The following ZBED6 variants were observed in gnomAD, a reference collection of about 807,000 sequenced individuals.
The protein encoded by ZBED6 is zinc finger BED domain-containing protein 6.
ZBED6 carries 40 observed loss-of-function variants against 58.4 expected under a neutral mutation model. The observed-to-expected ratio is 0.68, with a 90% CI of 0.53 to 0.89. The LOEUF is 0.89. ZBED6 is among the 40% of genes least tolerant of loss of function. The pLI is 0.00. For missense variants in ZBED6, 1,057 were observed against 1,003.9 expected (o/e 1.05, Z -0.71); for synonymous variants, 439 against 350.6 (o/e 1.25, Z -2.82).
chr1:203,796,588 C>T (rs967676533), exon 1 of ZBED6: 2 of 396,910 alleles, frequency 5.0e-6, no homozygotes, highest in Admixed American at 4.4e-5. Flanking sequence ...CTAGAGATAG[C>T]GATGCTTTTT....
intron 16 of ZBED6, among the ~76,000 whole-genome samples, 173 bp downstream of exon 16, chr1:203,851,297 T>G (rs1689195759): frequency 6.6e-6 from 1 of 152,194 alleles, no homozygotes; most frequent in Non-Finnish European, 1.5e-5. Context: ...TTGGTGCCAT[T>G]GTTTACATTT....
At chr1:203,853,606 A>T (rs1304333349) in exon 17 of ZBED6, 1 of 152,692 alleles carries the variant, frequency 6.5e-6, no homozygotes, top group Non-Finnish European at 1.5e-5. Context: ...ATTTTGCTGT[A>T]GGTGGCCAGT....
chr1:203,808,618 A>C (rs1673172907), intron 1 of ZBED6, among the ~76,000 whole-genome samples: 1 of 152,186 alleles, frequency 6.6e-6, no homozygotes, highest in East Asian at 1.9e-4. Context: ...TTTCCCTCTT[A>C]GTGACATATG....
At chr1:203,830,195 AG>A (rs1290025519) in exon 7 of ZBED6, 1 of 1,600,880 alleles carries the variant, frequency 6.2e-7, no homozygotes, top group Non-Finnish European at 8.5e-7. Context: ...AAATCTAAGA[AG>A]CAAGGTGGTA....
Position 203,848,017 on chromosome 1 carries a change from C to G in ZBED6, c.*4246-314C>G, listed in dbSNP as rs530952692. Reference sequence around the variant, plus strand: ...GCTACAGACATGTGCCACCACACCCCGCTAATTTTTGTATTTTTAATAGAG... The same window carrying G: ...GCTACAGACATGTGCCACCACACCCGGCTAATTTTTGTATTTTTAATAGAG... On this transcript the variant is annotated intron_variant, in intron 12 of 16. Coordinates refer to ENST00000550078, the Ensembl canonical transcript of ZBED6. Among the ~76,000 whole-genome samples, 3 of 152,060 alleles carry G rather than the reference C, an allele frequency of 2.0e-5. No individual in the cohort carries two copies. In the East Asian group the frequency reaches 5.8e-4, roughly 30 times the overall value.
At position 203,832,569 on chromosome 1, in the gene ZBED6, C is replaced by T. The variant is rs1200177445; in HGVS notation, c.*3510+798C>T. On this transcript the variant is annotated intron_variant, in intron 8 of 16. Transcript: ENST00000550078. ...AGAAACGGGGTTTCACCATGTTGGC[C>T]ACACTGGTCTTGAACTGCTGGCCTC... 2.0e-5 allele frequency among the ~76,000 whole-genome samples: 3 copies of T among 152,280 alleles called. No individual in the cohort carries two copies. In the East Asian group the frequency reaches 5.8e-4, roughly 29 times the overall value.
intron 12 of ZBED6, 55 bp downstream of exon 12, chr1:203,847,742 G>A: frequency 6.4e-7 from 1 of 1,562,884 alleles, no homozygotes; most frequent in Non-Finnish European, 8.6e-7. Flanking sequence ...TTCCAGAGGA[G>A]TGTTCCGTGG....
At chr1:203,832,699 T>A (rs1164595299) in intron 8 of ZBED6, among the ~76,000 whole-genome samples, 1 of 152,162 alleles carries the variant, frequency 6.6e-6, no homozygotes. Context: ...TTAAGCCTAA[T>A]AAGGAATTAT....
chr1:203,826,353 A>C (rs1680521504), intron 3 of ZBED6, among the ~76,000 whole-genome samples: 1 of 150,184 alleles, frequency 6.7e-6, no homozygotes, highest in African/African-American at 2.4e-5. Context: ...TAATATTAAA[A>C]TTAATAAATA....
intron 8 of ZBED6, among the ~76,000 whole-genome samples, chr1:203,832,184 A>C (rs901948395): frequency 4.0e-5 from 6 of 151,820 alleles, no homozygotes; most frequent in South Asian, 2.1e-4. Context: ...TCGGCCTCCC[A>C]AGTAGTTGGG....
At chr1:203,796,361 T>C (rs1668498433) in exon 1 of ZBED6, 3 of 398,730 alleles carry the variant, frequency 7.5e-6, no homozygotes, top group Non-Finnish European at 1.3e-5. Flanking sequence ...TCCGGTATCC[T>C]ACACCCATTC....
chr1:203,803,824 CT>C (rs1671270060), intron 1 of ZBED6, among the ~76,000 whole-genome samples: 2 of 152,044 alleles, frequency 1.3e-5, no homozygotes, highest in Admixed American at 1.3e-4. Context: ...CCAGGCTGTT[CT>C]CAAACTCCTG....
At chr1:203,804,213 G>A (rs749275842) in intron 1 of ZBED6, among the ~76,000 whole-genome samples, 109 of 148,612 alleles carry the variant, frequency 7.3e-4, no homozygotes, top group Non-Finnish European at 1.3e-3. Flanking sequence ...GTGCAGTGGC[G>A]TGATCTCGAT....
chr1:203,838,858 C>G (rs1319348322), intron 10 of ZBED6, among the ~76,000 whole-genome samples: 1 of 148,138 alleles, frequency 6.8e-6, no homozygotes, highest in African/African-American at 2.5e-5. Flanking sequence ...GAGGCTGAGG[C>G]AGGAGAATTG....
intron 16 of ZBED6, 27 bp downstream of exon 16, chr1:203,851,151 A>T (rs1235710054): frequency 6.2e-7 from 1 of 1,608,674 alleles, no homozygotes; most frequent in Non-Finnish European, 8.5e-7. Flanking sequence ...CTTTCTAAAC[A>T]AACTCCAGGC....
exon 1 of ZBED6, chr1:203,798,360 A>G (rs1380172927): frequency 1.2e-5 from 18 of 1,535,078 alleles, no homozygotes; most frequent in Non-Finnish European, 1.5e-5. Context: ...TCCTCAGCAC[A>G]TCTCAAGAGC....
exon 1 of ZBED6, chr1:203,801,973 T>A (rs1670663470): frequency 6.6e-6 from 1 of 152,652 alleles, no homozygotes; most frequent in Non-Finnish European, 1.5e-5. Flanking sequence ...CTAGGCTGCG[T>A]AAGCAAGCCT....
chr1:203,834,208 TAAGAAGA>T (rs1390098777), intron 9 of ZBED6: 4 of 433,330 alleles, frequency 9.2e-6, no homozygotes, highest in Non-Finnish European at 6.2e-6. Context: ...CAGGAATCCC[TAAGAAGA>T]AAGAAGAAAG....
Position 203,850,264 on chromosome 1 carries a change from C to A in ZBED6, c.*4638+238C>A, listed in dbSNP as rs1045169593. 3.2e-5 allele frequency: 21 copies of A among 652,326 alleles called. No homozygotes were observed. The African/African-American group carries it at 3.8e-4, about 12-fold the overall frequency. 40.4% of individuals were successfully genotyped at this position (652,326 alleles called of 1,614,324 possible). The stretch of plus-strand genomic sequence containing the variant: ...TAAAACTTTCTATGGTGCATCTTTC[C>A]TCTGGTATTGAATAAAAACAAGGAA... On this transcript the variant is annotated intron_variant, in intron 14 of 16. Coordinates refer to ENST00000550078, the Ensembl canonical transcript of ZBED6.
Sources: allele counts gnomAD v4.1 joint callset (sites outside exome capture counted in the v4.1 genomes callset), GRCh38; gene constraint gnomAD v4.1.1; transcripts MANE v1.5; gene names NCBI Gene and HGNC (gene_info 2026-07-23, HGNC 2026-07-21).